SEMA3A: variants seen among roughly 807,000 people sequenced by gnomAD.
SEMA3A encodes semaphorin 3A, also known as semaphorin-3A.
SEMA3A carries 29 observed loss-of-function variants against 97.9 expected under a neutral mutation model. The observed-to-expected ratio is 0.30, with a 90% CI of 0.22 to 0.40. The LOEUF is 0.40. Among genes scored for constraint, SEMA3A ranks in the 10% least tolerant of loss-of-function variants. The pLI is 1.00. For synonymous variants in SEMA3A, 321 were observed against 323.7 expected, an observed-to-expected ratio of 0.99 and a Z score of 0.09; for missense variants, 763 against 951.3, an observed-to-expected ratio of 0.80 and a Z score of 2.60.
intron 1 of SEMA3A, among the ~76,000 whole-genome samples, chr7:84,455,542 G>A (rs1805666986): frequency 6.6e-6 from 1 of 151,874 alleles, no homozygotes; most frequent in African/African-American, 2.4e-5. Context: ...TTAATTTCAG[G>A]AAGGCAAGCT....
intron 3 of SEMA3A, among the ~76,000 whole-genome samples, chr7:84,229,522 C>A (rs376441424): frequency 1.3e-5 from 2 of 152,060 alleles, no homozygotes; most frequent in East Asian, 3.9e-4. Flanking sequence ...CAGACAAATT[C>A]TTTTAAAAAT....
At position 84,011,009 on chromosome 7, in the gene SEMA3A, A is replaced by C; in HGVS notation, c.995+13T>G. ...ACATTAAGTTTCTATAAGGTAGTTA[A>C]AAAGTTACTTACCTGGAAGTCGTAA... On this transcript the variant is annotated intron_variant, in intron 9 of 16. Transcript: ENST00000265362. The C allele has an allele frequency of 1.3e-6, 2 of 1,580,892 alleles. No individual in the cohort carries two copies. Among genetic ancestry groups the C allele is most frequent in the Non-Finnish European group, 1.7e-6 (2 of 1,158,202 alleles).
intron 4 of SEMA3A, among the ~76,000 whole-genome samples, chr7:84,064,324 T>C (rs992841801): frequency 6.6e-6 from 1 of 152,088 alleles, no homozygotes; most frequent in African/African-American, 2.4e-5. Flanking sequence ...CATGCCAAAA[T>C]GTAAACACCA....
In SEMA3A at chr7:84,345,029, T is replaced by C. The variant is rs568314721; in HGVS notation, c.-169+26795A>G. ...GTGTCTAAAATATTTAAATAGACAC[T>C]ATACCAAAGAATATACAGGTATACC... On this transcript the variant is annotated intron_variant, in intron 2 of 3. Coordinates refer to the SEMA3A transcript ENST00000424555. Among the ~76,000 whole-genome samples the C allele has an allele frequency of 5.9e-5, 9 of 152,310 alleles. No individual in the cohort carries two copies. In the South Asian group the frequency reaches 1.7e-3, roughly 28 times the overall value.
rs1297945856 is a variant in SEMA3A, at chr7:84,438,652, C to T, written c.-246+53808G>A. Among the ~76,000 whole-genome samples the T allele has an allele frequency of 2.0e-5, 3 of 151,906 alleles. No individual in the cohort carries two copies. In the East Asian group the frequency reaches 5.8e-4, roughly 29 times the overall value. ...AACTTGAAAAGCAAGAACATTTTCC[C>T]CATGATCTGAGTAAGGACAAGGACT... is the stretch of plus-strand genomic sequence containing the variant. On this transcript the variant is annotated intron_variant, in intron 1 of 3. Coordinates refer to the SEMA3A transcript ENST00000424555.
intron 2 of SEMA3A, among the ~76,000 whole-genome samples, chr7:84,364,996 T>C (rs1426308894): frequency 1.3e-5 from 2 of 151,624 alleles, no homozygotes; most frequent in Middle Eastern, 3.4e-3. Context: ...TTCCCAGCTG[T>C]CCAGCAATAG....
chr7:84,457,262 ATACATTC>A (rs1027208001), intron 1 of SEMA3A, among the ~76,000 whole-genome samples: 3 of 151,788 alleles, frequency 2.0e-5, no homozygotes, highest in Admixed American at 6.6e-5. Flanking sequence ...ATATATACCA[ATACATTC>A]TATATTTCAT....
At chr7:84,171,692 G>GATGTAA (rs1383554920) in intron 1 of SEMA3A, among the ~76,000 whole-genome samples, 1 of 151,972 alleles carries the variant, frequency 6.6e-6, no homozygotes, top group Non-Finnish European at 1.5e-5. Context: ...AACCTAAGAT[G>GATGTAA]ATGTAAATGT....
At chr7:84,114,790 T>C (rs1795377481) in intron 3 of SEMA3A, among the ~76,000 whole-genome samples, 1 of 152,074 alleles carries the variant, frequency 6.6e-6, no homozygotes, top group Non-Finnish European at 1.5e-5. Context: ...TCTTTTAACA[T>C]TGTGCTATTA....
intron 1 of SEMA3A, among the ~76,000 whole-genome samples, chr7:84,441,405 T>C (rs897892718): frequency 4.7e-5 from 7 of 149,488 alleles, no homozygotes; most frequent in East Asian, 2.0e-4. Context: ...ATAACAGAAA[T>C]GAAAAAAAAT....
chr7:84,112,281 A>G (rs1177760711), intron 3 of SEMA3A, among the ~76,000 whole-genome samples: 1 of 152,210 alleles, frequency 6.6e-6, no homozygotes, highest in Non-Finnish European at 1.5e-5. Flanking sequence ...CCAGCACCAT[A>G]TGCTGAAACC....
intron 4 of SEMA3A, among the ~76,000 whole-genome samples, chr7:84,108,558 C>T (rs1795181728): frequency 6.6e-6 from 1 of 152,098 alleles, no homozygotes; most frequent in Non-Finnish European, 1.5e-5. Context: ...AGAGCAAGAT[C>T]TGAAGCTAGA....
chr7:84,136,996 G>GGAAGGAAGGAAA (rs1554334051), intron 1 of SEMA3A, among the ~76,000 whole-genome samples: 1 of 151,294 alleles, frequency 6.6e-6, no homozygotes, highest in Non-Finnish European at 1.5e-5. Flanking sequence ...AAGGAAGGAA[G>GGAAGGAAGGAAA]GAAGGAAGGA....
chr7:84,418,595 G>C (rs1804498982), intron 1 of SEMA3A, among the ~76,000 whole-genome samples: 1 of 152,030 alleles, frequency 6.6e-6, no homozygotes, highest in Non-Finnish European at 1.5e-5. Context: ...GGGATAAGCA[G>C]GTTGCTGAGT....
chr7:84,461,383 T>G (rs1362652096), intron 1 of SEMA3A, among the ~76,000 whole-genome samples: 1 of 152,208 alleles, frequency 6.6e-6, no homozygotes. Flanking sequence ...AATTATAATG[T>G]TGCCCCTTGA....
At chr7:84,331,077 A>G (rs763030846) in intron 2 of SEMA3A, among the ~76,000 whole-genome samples, 3 of 152,150 alleles carry the variant, frequency 2.0e-5, no homozygotes, top group Admixed American at 6.6e-5. Flanking sequence ...TGAAGTTTCA[A>G]ATAGTCAATA....
intron 6 of SEMA3A, among the ~76,000 whole-genome samples, chr7:84,016,175 G>T (rs1302260459): frequency 6.6e-6 from 1 of 151,998 alleles, no homozygotes; most frequent in African/African-American, 2.4e-5. Flanking sequence ...ACAAACTAAA[G>T]AATTACTATC....
upstream of SEMA3A, among the ~76,000 whole-genome samples, chr7:84,197,684 T>C (rs1798263470): frequency 6.6e-6 from 1 of 150,422 alleles, no homozygotes. Context: ...GGAATCTGGC[T>C]GCATGTGTAC....
intron 2 of SEMA3A, among the ~76,000 whole-genome samples, chr7:84,313,312 T>G (rs1223233519): frequency 1.5e-5 from 2 of 137,672 alleles, no homozygotes; most frequent in Non-Finnish European, 3.1e-5. Flanking sequence ...ATGTATTATA[T>G]ACGTGTGTAT....
Sources: allele counts gnomAD v4.1 joint callset (sites outside exome capture counted in the v4.1 genomes callset), GRCh38; gene constraint gnomAD v4.1.1; transcripts MANE v1.5; gene names NCBI Gene and HGNC (gene_info 2026-07-23, HGNC 2026-07-21).